The following TRPM3 variants were observed in gnomAD, a reference collection of about 807,000 sequenced individuals.
TRPM3 encodes transient receptor potential cation channel subfamily M member 3, also known as long transient receptor potential channel 3.
A neutral mutation model predicts 181.2 loss-of-function variants in TRPM3; 77 were observed. That is an observed-to-expected ratio of 0.42 (90% CI 0.35 to 0.51). TRPM3 has a LOEUF of 0.51. TRPM3 is among the 20% of genes least tolerant of loss of function. The pLI is 0.01. For synonymous variants in TRPM3, 745 were observed against 796.4 expected, an observed-to-expected ratio of 0.94 and a Z score of 1.09; for missense variants, 1,759 against 2,196.7, an observed-to-expected ratio of 0.80 and a Z score of 3.98.
At chr9:70,969,783 C>A (rs1396363303) in intron 1 of TRPM3, among the ~76,000 whole-genome samples, 1 of 104,990 alleles carries the variant, frequency 9.5e-6, no homozygotes, top group Non-Finnish European at 2.2e-5. Context: ...TATATATACA[C>A]ACACACACTA....
At chr9:70,912,361 T>C (rs1241186663) in intron 1 of TRPM3, among the ~76,000 whole-genome samples, 2 of 152,204 alleles carry the variant, frequency 1.3e-5, no homozygotes, top group East Asian at 3.9e-4. Flanking sequence ...AGCCCTTTTA[T>C]GGATCAAACA....
intron 3 of TRPM3, among the ~76,000 whole-genome samples, chr9:70,850,468 C>T (rs756148874): frequency 1.8e-4 from 27 of 152,224 alleles, no homozygotes; most frequent in Non-Finnish European, 2.9e-4. Flanking sequence ...CAGAAGAACA[C>T]TTTGGAGGTG....
chr9:70,927,678 C>T (rs955834553), intron 1 of TRPM3, among the ~76,000 whole-genome samples: 1 of 152,144 alleles, frequency 6.6e-6, no homozygotes, highest in African/African-American at 2.4e-5. Context: ...CGCACAGAGT[C>T]TGCAGTGCCC....
intron 20 of TRPM3, among the ~76,000 whole-genome samples, chr9:70,599,145 C>A (rs2059467033): frequency 6.6e-6 from 1 of 152,146 alleles, no homozygotes; most frequent in Admixed American, 6.5e-5. Flanking sequence ...CTGCTGCCTC[C>A]CTATTCTAAG....
At chr9:71,162,169 C>G (rs1364305911) in intron 1 of TRPM3, among the ~76,000 whole-genome samples, 1 of 115,040 alleles carries the variant, frequency 8.7e-6, no homozygotes, top group African/African-American at 3.4e-5. Flanking sequence ...CACTGCACTC[C>G]AAGCTGGGTG....
At chr9:71,054,751 C>A (rs1036196394) in intron 1 of TRPM3, among the ~76,000 whole-genome samples, 1 of 152,074 alleles carries the variant, frequency 6.6e-6, no homozygotes, top group African/African-American at 2.4e-5. Context: ...GACTGACTGG[C>A]AAATCTGAAG....
chr9:70,653,009 T>C (rs2059784090), intron 9 of TRPM3, among the ~76,000 whole-genome samples: 1 of 152,074 alleles, frequency 6.6e-6, no homozygotes, highest in Non-Finnish European at 1.5e-5. Flanking sequence ...GTTAGGTCGA[T>C]GAGGGCCTTG....
chr9:71,265,493 T>C (rs141518194), intron 1 of TRPM3, among the ~76,000 whole-genome samples: 339 of 152,352 alleles, frequency 2.2e-3, no homozygotes, highest in African/African-American at 7.8e-3. Context: ...AAATAGCTAT[T>C]GCTTTTCTGT....
chr9:70,687,334 G>T (rs1046266316), intron 8 of TRPM3, among the ~76,000 whole-genome samples: 1 of 152,142 alleles, frequency 6.6e-6, no homozygotes, highest in Non-Finnish European at 1.5e-5. Context: ...AATAGAAAAA[G>T]ATTTTAAATT....
chr9:71,261,557 A>C (rs547130774), intron 1 of TRPM3, among the ~76,000 whole-genome samples: 1 of 152,200 alleles, frequency 6.6e-6, no homozygotes, highest in East Asian at 1.9e-4. Flanking sequence ...GCTGGCGAGG[A>C]GTTGTGATCC....
intron 1 of TRPM3, among the ~76,000 whole-genome samples, chr9:71,087,252 A>C (rs2065430897): frequency 6.6e-6 from 1 of 152,028 alleles, no homozygotes; most frequent in Non-Finnish European, 1.5e-5. Context: ...TGCTACTTCT[A>C]GCCTTGTGTC....
intron 6 of TRPM3, among the ~76,000 whole-genome samples, chr9:70,786,417 AG>A (rs1282177418): frequency 9.3e-5 from 14 of 151,322 alleles, no homozygotes; most frequent in Non-Finnish European, 1.9e-4. Flanking sequence ...CCCGGGAGGC[AG>A]AGGCTGTAGT....
rs900528837 is a variant in TRPM3 at position 70,969,779 on chromosome 9, T to TATATATATAC, written c.178-105269_178-105268insGTATATATAT. Reference sequence around the variant, plus strand: ...TTTTATATATATATATATATATATATACACACACACACTAAGAAATTATAT... The same window carrying TATATATATAC: ...TTTTATATATATATATATATATATATATATATATACACACACACACACTAAGAAATTATAT... On this transcript the variant is annotated intron_variant, in intron 1 of 25. Coordinates refer to ENST00000677713, the MANE Select transcript of TRPM3 (RefSeq NM_001366145.2). 5.7e-5 allele frequency among the ~76,000 whole-genome samples: 8 copies of TATATATATAC among 139,858 alleles called. No homozygotes were observed. In the South Asian group the frequency reaches 6.9e-4, roughly 12 times the overall value. The allele number at this position is 139,858 out of a possible 152,430, so 91.8% of individuals were successfully genotyped here.
chr9:70,793,684 G>T, intron 6 of TRPM3: 3 of 469,764 alleles, frequency 6.4e-6, no homozygotes, highest in South Asian at 4.7e-5. Flanking sequence ...GAGCTGTTTT[G>T]TAACTATGAA....
chr9:70,867,183 G>T (rs188505006), intron 1 of TRPM3, among the ~76,000 whole-genome samples: 33 of 152,024 alleles, frequency 2.2e-4, no homozygotes, highest in African/African-American at 8.0e-4. Context: ...TTCTCCTTGC[G>T]GTAAAGGATG....
intron 14 of TRPM3, among the ~76,000 whole-genome samples, chr9:70,624,857 T>G (rs776721864): frequency 5.3e-5 from 8 of 152,242 alleles, no homozygotes; most frequent in African/African-American, 1.9e-4. Context: ...GATTCCTATG[T>G]TTAACTTAAA....
At chr9:70,632,437 G>T (rs1488885298) in intron 12 of TRPM3, among the ~76,000 whole-genome samples, 1 of 152,062 alleles carries the variant, frequency 6.6e-6, no homozygotes, top group Admixed American at 6.6e-5. Context: ...CATCTTTCTT[G>T]CTCTCCCATC....
chr9:70,781,345 A>G (rs10868886), intron 7 of TRPM3, among the ~76,000 whole-genome samples: 30,141 of 146,342 alleles, frequency 0.21, 3,395 homozygotes, highest in Non-Finnish European at 0.29. Flanking sequence ...AAAAAAAAAA[A>G]AAAAGAAAAC....
chr9:70,613,509 A>C (rs908407335), intron 18 of TRPM3, among the ~76,000 whole-genome samples: 2 of 152,228 alleles, frequency 1.3e-5, no homozygotes, highest in African/African-American at 4.8e-5. Flanking sequence ...GGGAAGTGCC[A>C]ATGAGCTGCA....
Sources: gnomAD v4.1 joint callset for allele counts (sites outside exome capture counted in the v4.1 genomes callset) on GRCh38, gnomAD v4.1.1 for gene constraint, MANE v1.5 for transcripts, NCBI Gene and HGNC (gene_info 2026-07-23, HGNC 2026-07-21) for gene names.